Variants in DENND6A observed in about 807,000 individuals in gnomAD.
DENND6A encodes protein DENND6A.
A neutral mutation model predicts 95.5 loss-of-function variants in DENND6A; 43 were observed. That is an observed-to-expected ratio of 0.45 (90% CI 0.35 to 0.58). The LOEUF is 0.58. Among genes scored for constraint, DENND6A ranks in the 20% least tolerant of loss-of-function variants. The pLI, the probability that DENND6A is intolerant of heterozygous loss-of-function variation, is 0.00. For missense variants in DENND6A, 574 were observed against 736.0 expected (o/e 0.78, Z 2.55); for synonymous variants, 257 against 260.4 (o/e 0.99, Z 0.13).
intron 1 of DENND6A, among the ~76,000 whole-genome samples, chr3:57,684,599 C>A (rs547323270): frequency 6.6e-6 from 1 of 152,050 alleles, no homozygotes; most frequent in Non-Finnish European, 1.5e-5. Context: ...GTCTGGGCAA[C>A]ACAGCAAAAC....
chr3:57,655,207 G>A (rs1228704585), intron 9 of DENND6A, among the ~76,000 whole-genome samples: 2 of 152,082 alleles, frequency 1.3e-5, no homozygotes, highest in Non-Finnish European at 2.9e-5. Flanking sequence ...GCTAGTTTTT[G>A]TATTTTTAGT....
rs1295613409 is a variant in DENND6A at position 57,692,866 on chromosome 3, GC to G, written c.152del (p.Gly51AlafsTer30). On this transcript the variant is annotated frameshift_variant, in exon 1 of 20. Coordinates refer to ENST00000311128, the MANE Select transcript of DENND6A (RefSeq NM_152678.3). LOFTEE classifies it high-confidence loss of function. ...DDEEDDGRGRGLLRWDSFSAW... is the reference protein window; with the variant it reads ...DDEEDDGRGRXLLRWDSFSAW... Reference sequence around the variant, plus strand: ...CGGAGAAGCTGTCCCAGCGCAGCAGGCCCCGGCCACGGCCATCGTCCTCTTC... The same window carrying G: ...CGGAGAAGCTGTCCCAGCGCAGCAGGCCCGGCCACGGCCATCGTCCTCTTC... 6.3e-7 allele frequency: 1 copy of G among 1,585,930 alleles called. No homozygotes were observed. The highest frequency in any genetic ancestry group is 8.5e-7 in the Non-Finnish European group (1 of 1,170,030).
intron 1 of DENND6A, among the ~76,000 whole-genome samples, chr3:57,683,423 T>C (rs1449240136): frequency 2.0e-5 from 3 of 152,190 alleles, no homozygotes; most frequent in Admixed American, 1.3e-4. Context: ...CTATAAACTA[T>C]TATCAGTTAG....
At chr3:57,677,998 A>T (rs1016671543) in intron 1 of DENND6A, among the ~76,000 whole-genome samples, 1 of 152,186 alleles carries the variant, frequency 6.6e-6, no homozygotes, top group Non-Finnish European at 1.5e-5. Flanking sequence ...TAAATGCTGA[A>T]CTACTCAGCC....
At chr3:57,680,325 A>G (rs2077151936) in intron 1 of DENND6A, among the ~76,000 whole-genome samples, 1 of 152,264 alleles carries the variant, frequency 6.6e-6, no homozygotes, top group Non-Finnish European at 1.5e-5. Flanking sequence ...CCTTGCTTCA[A>G]TAACAACAAA....
chr3:57,656,352 G>A (rs538368850), intron 9 of DENND6A, among the ~76,000 whole-genome samples: 1 of 152,212 alleles, frequency 6.6e-6, no homozygotes, highest in Admixed American at 6.5e-5. Context: ...TGTATCAACT[G>A]TTCCTTCTTT....
At chr3:57,663,591 C>T (rs935675201) in intron 5 of DENND6A, 45 bp downstream of exon 5, 1 of 1,366,164 alleles carries the variant, frequency 7.3e-7, no homozygotes, top group African/African-American at 1.5e-5. Flanking sequence ...TTTTTCTAAT[C>T]ACAAAATAAA....
intron 4 of DENND6A, among the ~76,000 whole-genome samples, chr3:57,665,737 AAAAC>A (rs2071516471): frequency 6.6e-6 from 1 of 152,232 alleles, no homozygotes; most frequent in Admixed American, 6.5e-5. Flanking sequence ...AATAATAACT[AAAAC>A]AAGGCTCATT....
chr3:57,659,295 A>G, intron 7 of DENND6A, 115 bp from the exon 8 acceptor site: 1 of 1,028,140 alleles, frequency 9.7e-7, no homozygotes, highest in Non-Finnish European at 1.5e-6. Flanking sequence ...CAAAAACAAA[A>G]TTATCTATGT....
intron 9 of DENND6A, among the ~76,000 whole-genome samples, chr3:57,649,922 T>TACAC (rs5849223): frequency 0.03 from 4,459 of 148,486 alleles, 200 homozygotes; most frequent in African/African-American, 0.1. Flanking sequence ...TGTATATATA[T>TACAC]ACACACACAC....
At chr3:57,654,716 GGA>G (rs2071288163) in intron 9 of DENND6A, 1 of 984,516 alleles carries the variant, frequency 1.0e-6, no homozygotes, top group Admixed American at 6.1e-5. Context: ...CGTGGTCCAT[GGA>G]ATAGACCTTG....
intron 5 of DENND6A, 136 bp from the exon 6 acceptor site, chr3:57,661,687 G>C: frequency 1.5e-6 from 1 of 646,098 alleles, no homozygotes; most frequent in Non-Finnish European, 2.5e-6. Flanking sequence ...ATAGTTAAAA[G>C]GAAACAAAAC....
intron 15 of DENND6A, among the ~76,000 whole-genome samples, chr3:57,631,870 C>T (rs914222482): frequency 6.7e-6 from 1 of 149,306 alleles, no homozygotes; most frequent in African/African-American, 2.5e-5. Flanking sequence ...TTACAGGCGC[C>T]CACCACCACG....
intron 4 of DENND6A, among the ~76,000 whole-genome samples, chr3:57,664,777 G>A (rs1207370443): frequency 3.9e-5 from 6 of 152,148 alleles, no homozygotes; most frequent in African/African-American, 1.2e-4. Context: ...AGGTTGCAGT[G>A]AGCTGAGATC....
chr3:57,690,373 G>A (rs537621749), intron 1 of DENND6A, among the ~76,000 whole-genome samples: 33 of 151,848 alleles, frequency 2.2e-4, no homozygotes, highest in African/African-American at 7.5e-4. Context: ...GGCGTGGTGC[G>A]GGTGCCTGTA....
At chr3:57,655,732 G>A (rs542002521) in intron 9 of DENND6A, among the ~76,000 whole-genome samples, 1 of 152,226 alleles carries the variant, frequency 6.6e-6, no homozygotes, top group Non-Finnish European at 1.5e-5. Context: ...TTATGTATAT[G>A]CAAAAATCCC....
intron 3 of DENND6A, among the ~76,000 whole-genome samples, chr3:57,666,920 A>G (rs1218204048): frequency 6.6e-6 from 1 of 152,252 alleles, no homozygotes; most frequent in Non-Finnish European, 1.5e-5. Context: ...AAAAAGATAT[A>G]AAAGTTATGC....
intron 19 of DENND6A, 98 bp from the exon 20 acceptor site, chr3:57,628,443 G>T: frequency 7.0e-7 from 1 of 1,438,774 alleles, no homozygotes. Flanking sequence ...CTAACAATTA[G>T]ATACTTTCAG....
At chr3:57,685,288 TA>T (rs924274500) in intron 1 of DENND6A, among the ~76,000 whole-genome samples, 19 of 151,782 alleles carry the variant, frequency 1.3e-4, no homozygotes, top group Non-Finnish European at 2.1e-4. Context: ...AAAGTATCAT[TA>T]AAAAAAATTG....
Sources: gnomAD v4.1 joint callset for allele counts (sites outside exome capture counted in the v4.1 genomes callset) on GRCh38, gnomAD v4.1.1 for gene constraint, MANE v1.5 for transcripts, NCBI Gene and HGNC (gene_info 2026-07-23, HGNC 2026-07-21) for gene names.